Variants in RPRD2 observed in about 807,000 individuals in gnomAD.
RPRD2 encodes regulation of nuclear pre-mRNA domain-containing protein 2.
A neutral mutation model predicts 104.4 loss-of-function variants in RPRD2; 12 were observed. The ratio of observed to expected loss-of-function variants is 0.11; its 90% CI spans 0.07 to 0.19. The LOEUF (loss-of-function observed/expected upper bound fraction) is 0.19. Ranked by LOEUF, RPRD2 falls within the 10% of genes least tolerant of loss-of-function variation. The probability of loss-of-function intolerance (pLI) is 1.00; values close to 1 mark genes in which losing one functional copy is unlikely to be tolerated. For missense variants in RPRD2, 1,543 were observed against 1,790.1 expected (o/e 0.86, Z 2.49); for synonymous variants, 714 against 684.9 (o/e 1.04, Z -0.66).
rs966152205 is a variant in RPRD2 at position 150,437,523 on chromosome 1, T to G, written c.336-3400T>G. 4.6e-5 allele frequency among the ~76,000 whole-genome samples: 7 copies of G among 152,300 alleles called. No individual in the cohort carries two copies. The South Asian group carries it at 1.0e-3, about 23-fold the overall frequency. On this transcript the variant is annotated intron_variant, in intron 2 of 10. Transcript: ENST00000369068. ...ACATATGGATATTGTTTTTAATACA[T>G]AATGCTATTGCACACTTAATTGACT...
chr1:150,418,749 C>T (rs782041973), intron 2 of RPRD2, among the ~76,000 whole-genome samples: 8 of 152,156 alleles, frequency 5.3e-5, no homozygotes, highest in Non-Finnish European at 8.8e-5. Flanking sequence ...CGGTGGCTCA[C>T]GCCTGTAATC....
In RPRD2 at chr1:150,460,299, T is replaced by A. The variant is rs1553898567; in HGVS notation, c.1393T>A (p.Ser465Thr). Residue 465 changes from serine (S) to threonine (T), a missense_variant, in exon 9 of 11, where the codon TCA becomes ACA. Physicochemically the swap from Ser to Thr is moderately conservative, Grantham distance 58 (BLOSUM62 1). This residue lies in a region of RPRD2 where 572 missense variants were observed against 787.3 expected (regional missense o/e 0.73). Transcript: ENST00000369068. ...CAGTTCCATCCTTAGCAGTTTAACA[T>A]CAGTCATGAAAAATACTGGTAAGTA... is the stretch of plus-strand genomic sequence containing the variant. ...KISSILSSLTSVMKNTGVSPA... is the reference protein window; with the variant it reads ...KISSILSSLTTVMKNTGVSPA... 1 of 1,611,648 alleles carries A rather than the reference T, an allele frequency of 6.2e-7. No homozygotes were observed. The highest frequency in any genetic ancestry group is 1.3e-5 in the African/African-American group (1 of 75,044).
At chr1:150,443,075 A>C (rs1027775234) in intron 4 of RPRD2, among the ~76,000 whole-genome samples, 156 bp from the exon 5 acceptor site, 2 of 152,238 alleles carry the variant, frequency 1.3e-5, no homozygotes, top group East Asian at 3.9e-4. Flanking sequence ...GGAATGTTTA[A>C]ATTTCCTAGT....
At chr1:150,385,721 G>A (rs1309592286) in intron 1 of RPRD2, among the ~76,000 whole-genome samples, 1 of 152,164 alleles carries the variant, frequency 6.6e-6, no homozygotes, top group African/African-American at 2.4e-5. Flanking sequence ...ATCTTGCCAT[G>A]TTTAACTCCC....
rs587678771 is a variant in RPRD2 at position 150,462,038 on chromosome 1, C to G, written c.1411+1721C>G. ...GTGGCTCACGCCTGTATTTCCAGCACTTTGGGAGGCCAAGGCAGGCGGATC... is the reference window on the plus strand; with the variant it reads ...GTGGCTCACGCCTGTATTTCCAGCAGTTTGGGAGGCCAAGGCAGGCGGATC... On this transcript the variant is annotated intron_variant, in intron 9 of 10. Transcript: ENST00000369068. Among the ~76,000 whole-genome samples the G allele has an allele frequency of 2.9e-3, 434 of 151,526 alleles. 3 individuals are homozygous for G. Among genetic ancestry groups the G allele is most frequent in the African/African-American group, 0.01 (421 of 41,238 alleles).
At chr1:150,405,004 T>A (rs1056436934) in intron 1 of RPRD2, among the ~76,000 whole-genome samples, 5 of 152,228 alleles carry the variant, frequency 3.3e-5, no homozygotes, top group Non-Finnish European at 7.3e-5. Flanking sequence ...CATGAAAATT[T>A]ATTGAATCTA....
chr1:150,473,229 T>C lies in RPRD2; in HGVS notation c.4281T>C (p.Phe1427=). ...PRPDFRPREP[F]LSRDPFHSLK... ...CAGACTTTCGGCCTAGGGAACCTTT[T>C]CTCAGCAGAGACCCATTTCACAGTT... The change falls in exon 11 of 11, where the codon TTT becomes TTC. Residue 1427 remains phenylalanine (F), a synonymous_variant. Coordinates refer to ENST00000369068, the MANE Select transcript of RPRD2 (RefSeq NM_015203.5). 2 of 1,613,954 alleles carry C rather than the reference T, an allele frequency of 1.2e-6. No individual in the cohort carries two copies. Among genetic ancestry groups the C allele is most frequent in the Non-Finnish European group, 1.7e-6 (2 of 1,179,872 alleles).
At chr1:150,462,752 T>G in intron 9 of RPRD2, among the ~76,000 whole-genome samples, 1 of 152,156 alleles carries the variant, frequency 6.6e-6, no homozygotes, top group South Asian at 2.1e-4. Flanking sequence ...AGACGGGCTT[T>G]TACCATGTTA....
At chr1:150,382,252 G>T (rs868988822) in intron 1 of RPRD2, among the ~76,000 whole-genome samples, 26 of 152,184 alleles carry the variant, frequency 1.7e-4, no homozygotes, top group African/African-American at 6.0e-4. Context: ...AATAGCAAAA[G>T]AACATATAAT....
At position 150,364,628 on chromosome 1, in the gene RPRD2, G is replaced by A; in HGVS notation, c.-87G>A. On this transcript the variant is annotated 5_prime_UTR_variant, in exon 1 of 11. Transcript: ENST00000369068. ...TTCCCTCCCCACCTACGGCTTTCAC[G>A]CACTCGCAGTGATTGTTTTGCCCGC... 1.5e-6 allele frequency: 1 copy of A among 671,690 alleles called. No individual in the cohort carries two copies. The highest frequency in any genetic ancestry group is 2.5e-6 in the Non-Finnish European group (1 of 393,388). The allele number at this position is 671,690 out of a possible 1,614,324, so 41.6% of individuals were successfully genotyped here.
chr1:150,424,287 ATTTTT>A (rs587687866), intron 2 of RPRD2, among the ~76,000 whole-genome samples: 1 of 148,412 alleles, frequency 6.7e-6, no homozygotes, highest in African/African-American at 2.5e-5. Context: ...TATTATTTCT[ATTTTT>A]TTTTTCTTTT....
At chr1:150,372,446 T>C (rs1367234147) in intron 1 of RPRD2, among the ~76,000 whole-genome samples, 1 of 151,348 alleles carries the variant, frequency 6.6e-6, no homozygotes, top group Admixed American at 6.6e-5. Context: ...GCCATGATCA[T>C]GCCAGCCTGG....
chr1:150,441,165 G>C, intron 3 of RPRD2, 142 bp downstream of exon 3: 1 of 506,224 alleles, frequency 2.0e-6, no homozygotes, highest in East Asian at 3.3e-5. Flanking sequence ...AAATATTTAT[G>C]AAAAATCTAG....
intron 10 of RPRD2, among the ~76,000 whole-genome samples, chr1:150,469,251 G>A (rs1668463788): frequency 6.6e-6 from 1 of 152,048 alleles, no homozygotes; most frequent in Admixed American, 6.5e-5. Context: ...TATAAATTTG[G>A]GTGAAATGTA....
intron 6 of RPRD2, 105 bp from the exon 7 acceptor site, chr1:150,446,121 C>A: frequency 1.4e-6 from 1 of 723,170 alleles, no homozygotes; most frequent in Non-Finnish European, 2.2e-6. Flanking sequence ...CACAGTAAGG[C>A]AGCAAGAGTA....
At chr1:150,382,875 A>G (rs1553881064) in intron 1 of RPRD2, among the ~76,000 whole-genome samples, 1 of 152,034 alleles carries the variant, frequency 6.6e-6, no homozygotes, top group East Asian at 1.9e-4. Flanking sequence ...AATAAGAGAT[A>G]AGGTTTCACC....
intron 1 of RPRD2, among the ~76,000 whole-genome samples, chr1:150,403,431 C>T (rs1399625996): frequency 6.6e-6 from 1 of 152,106 alleles, no homozygotes; most frequent in African/African-American, 2.4e-5. Context: ...CTCTCCATTC[C>T]CCAGCCCCTG....
intron 1 of RPRD2, among the ~76,000 whole-genome samples, chr1:150,413,839 C>T (rs1224105715): frequency 2.0e-5 from 3 of 151,454 alleles, no homozygotes; most frequent in Non-Finnish European, 4.4e-5. Context: ...GCAGGAGAAT[C>T]GCTTGAACCC....
chr1:150,469,321 G>A (rs1453625588), intron 10 of RPRD2, among the ~76,000 whole-genome samples: 2 of 152,060 alleles, frequency 1.3e-5, no homozygotes, highest in Non-Finnish European at 2.9e-5. Flanking sequence ...TGCCACCCAG[G>A]CTGGTGTGCA....
Sources: gnomAD v4.1 joint callset for allele counts (sites outside exome capture counted in the v4.1 genomes callset) on GRCh38, gnomAD v4.1.1 for gene constraint, gnomAD v4.1.1 regional missense constraint, MANE v1.5 for transcripts, NCBI Gene and HGNC (gene_info 2026-07-23, HGNC 2026-07-21) for gene names.